DYRK1A: variants seen among roughly 807,000 people sequenced by gnomAD.
DYRK1A encodes the protein dual specificity tyrosine phosphorylation regulated kinase 1A.
DYRK1A carries 9 observed loss-of-function variants against 79.7 expected under a neutral mutation model. The ratio of observed to expected loss-of-function variants is 0.11; its 90% CI spans 0.07 to 0.20. The LOEUF (loss-of-function observed/expected upper bound fraction) is 0.20, where lower values mean the gene tolerates loss of function less well. Among genes scored for constraint, DYRK1A ranks in the 10% least tolerant of loss-of-function variants. The pLI is 1.00. For synonymous variants in DYRK1A, 349 were observed against 329.7 expected (o/e 1.06, Z -0.63); for missense variants, 622 against 956.0 (o/e 0.65, Z 4.61).
At chr21:37,452,196 TGA>T (rs1392561274) in intron 2 of DYRK1A, among the ~76,000 whole-genome samples, 1 of 151,658 alleles carries the variant, frequency 6.6e-6, no homozygotes, top group Non-Finnish European at 1.5e-5. Flanking sequence ...GGGAATACAC[TGA>T]GGGAGGGCAT....
chr21:37,475,509 GA>G (rs2052365024), intron 3 of DYRK1A, among the ~76,000 whole-genome samples: 1 of 152,186 alleles, frequency 6.6e-6, no homozygotes, highest in Non-Finnish European at 1.5e-5. Flanking sequence ...TGTTCCAAAA[GA>G]AAAAATTGGT....
chr21:37,388,055 C>G (rs1822764018), intron 1 of DYRK1A, among the ~76,000 whole-genome samples: 2 of 151,668 alleles, frequency 1.3e-5, no homozygotes, highest in South Asian at 4.2e-4. Context: ...CCCTTCATGA[C>G]CTCCTTATAA....
At chr21:37,378,175 T>TAG (rs1328553532) in intron 1 of DYRK1A, among the ~76,000 whole-genome samples, 2 of 152,236 alleles carry the variant, frequency 1.3e-5, no homozygotes, top group East Asian at 3.8e-4. Context: ...TAAGTTGTAC[T>TAG]ATAAGATTTT....
intron 2 of DYRK1A, among the ~76,000 whole-genome samples, chr21:37,443,582 T>C (rs991659516): frequency 1.3e-5 from 2 of 152,232 alleles, no homozygotes; most frequent in African/African-American, 2.4e-5. Flanking sequence ...CTGAGATTTT[T>C]TAGGTGGGAC....
At chr21:37,452,706 T>G (rs1183413253) in intron 2 of DYRK1A, among the ~76,000 whole-genome samples, 2 of 151,212 alleles carry the variant, frequency 1.3e-5, no homozygotes, top group Non-Finnish European at 2.9e-5. Context: ...AGTCCCTCTT[T>G]TCCCTGCGCT....
At chr21:37,455,411 GTCTT>G (rs1208942774) in intron 2 of DYRK1A, among the ~76,000 whole-genome samples, 1 of 152,146 alleles carries the variant, frequency 6.6e-6, no homozygotes, top group Non-Finnish European at 1.5e-5. Flanking sequence ...TCAAGAAGCA[GTCTT>G]TAAATTTTAA....
intron 1 of DYRK1A, among the ~76,000 whole-genome samples, chr21:37,379,639 G>C (rs1346876644): frequency 6.6e-6 from 1 of 152,154 alleles, no homozygotes; most frequent in Non-Finnish European, 1.5e-5. Context: ...AGTGGGAGAG[G>C]GCAATGTTTG....
At chr21:37,389,851 A>G (rs1406171869) in intron 1 of DYRK1A, among the ~76,000 whole-genome samples, 1 of 151,790 alleles carries the variant, frequency 6.6e-6, no homozygotes, top group Non-Finnish European at 1.5e-5. Context: ...CTGTGGAAGA[A>G]GGGCTGGCAT....
At chr21:37,414,219 A>G (rs779503392) in intron 1 of DYRK1A, among the ~76,000 whole-genome samples, 5 of 151,310 alleles carry the variant, frequency 3.3e-5, no homozygotes, top group African/African-American at 4.9e-5. Context: ...CTGAGAATAC[A>G]GAAAGGAGAA....
At chr21:37,377,083 C>G (rs1486430841) in intron 1 of DYRK1A, among the ~76,000 whole-genome samples, 1 of 152,102 alleles carries the variant, frequency 6.6e-6, no homozygotes, top group Non-Finnish European at 1.5e-5. Context: ...TGGGATCAGA[C>G]ATACTAAACA....
At chr21:37,373,652 G>A (rs995987433) in intron 1 of DYRK1A, among the ~76,000 whole-genome samples, 1 of 152,204 alleles carries the variant, frequency 6.6e-6, no homozygotes, top group African/African-American at 2.4e-5. Context: ...TCCAGGAATA[G>A]GATTTTGGGA....
At position 37,512,557 on chromosome 21, in the gene DYRK1A, T is replaced by G; in HGVS notation, c.*26T>G. ...CTACATTGAAACTTGAGTTTGTTTC[T>G]TGTGTGTTTTTATAGAAGTGGTGTT... On this transcript the variant is annotated 3_prime_UTR_variant, in exon 12 of 12. Coordinates refer to ENST00000647188, the MANE Select transcript of DYRK1A (RefSeq NM_001347721.2). 6.3e-7 allele frequency: 1 copy of G among 1,596,812 alleles called. No homozygotes were observed. The highest frequency in any genetic ancestry group is 8.6e-7 in the Non-Finnish European group (1 of 1,169,570).
At chr21:37,441,463 C>G (rs772293137) in intron 2 of DYRK1A, among the ~76,000 whole-genome samples, 3 of 151,930 alleles carry the variant, frequency 2.0e-5, no homozygotes, top group Non-Finnish European at 4.4e-5. Flanking sequence ...TTCCCCTTTC[C>G]TCTTTTTCTC....
chr21:37,454,063 T>C (rs1367995352), intron 2 of DYRK1A, among the ~76,000 whole-genome samples: 1 of 150,610 alleles, frequency 6.6e-6, no homozygotes, highest in African/African-American at 2.4e-5. Flanking sequence ...ACATTGTCTT[T>C]CATATTATGA....
intron 1 of DYRK1A, among the ~76,000 whole-genome samples, chr21:37,417,506 C>CT (rs375931123): frequency 1.9e-3 from 137 of 70,444 alleles, no homozygotes; most frequent in African/African-American, 5.7e-3. Context: ...TTTTATTTTT[C>CT]TTTTCTTTTT....
At chr21:37,384,747 A>T (rs2049727075) in intron 1 of DYRK1A, among the ~76,000 whole-genome samples, 1 of 152,190 alleles carries the variant, frequency 6.6e-6, no homozygotes, top group African/African-American at 2.4e-5. Context: ...TAAAACAGTT[A>T]TTGTATTTCA....
intron 1 of DYRK1A, among the ~76,000 whole-genome samples, chr21:37,397,680 C>T (rs569416238): frequency 6.6e-6 from 1 of 152,280 alleles, no homozygotes; most frequent in Non-Finnish European, 1.5e-5. Flanking sequence ...TCAGAATTGC[C>T]TGGGGTCCTT....
chr21:37,445,562 T>C (rs1313066874), intron 2 of DYRK1A, among the ~76,000 whole-genome samples: 1 of 152,160 alleles, frequency 6.6e-6, no homozygotes, highest in Non-Finnish European at 1.5e-5. Flanking sequence ...GCTGGGAAGA[T>C]CAGGGATAGT....
At chr21:37,424,694 T>A (rs2050570098) in intron 2 of DYRK1A, among the ~76,000 whole-genome samples, 1 of 152,226 alleles carries the variant, frequency 6.6e-6, no homozygotes, top group Non-Finnish European at 1.5e-5. Context: ...TATTTCCTAG[T>A]TAAGTTAGGT....
Sources: gnomAD v4.1 joint callset for allele counts (sites outside exome capture counted in the v4.1 genomes callset) on GRCh38, gnomAD v4.1.1 for gene constraint, MANE v1.5 for transcripts, NCBI Gene and HGNC (gene_info 2026-07-23, HGNC 2026-07-21) for gene names.